The following LDB2 variants were observed in gnomAD, a reference collection of about 807,000 sequenced individuals.
The protein encoded by LDB2 is LIM domain binding 2, also known as LIM domain-binding protein 2.
In LDB2, 12 loss-of-function variants were observed where a neutral mutation model predicts 44.3. The observed-to-expected ratio is 0.27, with a 90% CI of 0.17 to 0.44. The LOEUF (loss-of-function observed/expected upper bound fraction) is 0.44. Among genes scored for constraint, LDB2 ranks in the 20% least tolerant of loss-of-function variants. The pLI is 1.00. For synonymous variants in LDB2, 164 were observed against 174.8 expected (o/e 0.94, Z 0.49); for missense variants, 344 against 473.5 (o/e 0.73, Z 2.54).
chr4:16,720,144 T>C (rs942171916), intron 2 of LDB2, among the ~76,000 whole-genome samples: 7 of 152,056 alleles, frequency 4.6e-5, no homozygotes, highest in African/African-American at 1.7e-4. Flanking sequence ...GTTTCTAATG[T>C]CTAGTAATTC....
At chr4:16,573,599 G>A (rs1165356289) in intron 5 of LDB2, among the ~76,000 whole-genome samples, 1 of 152,190 alleles carries the variant, frequency 6.6e-6, no homozygotes, top group African/African-American at 2.4e-5. Flanking sequence ...GCCACACTTT[G>A]AATAGCAGCT....
chr4:16,626,510 G>T (rs1371007656), intron 2 of LDB2, among the ~76,000 whole-genome samples: 1 of 152,144 alleles, frequency 6.6e-6, no homozygotes, highest in Non-Finnish European at 1.5e-5. Flanking sequence ...AATCACACTA[G>T]CTAGACACTT....
At chr4:16,629,088 T>C (rs1287023991) in intron 2 of LDB2, among the ~76,000 whole-genome samples, 4 of 152,096 alleles carry the variant, frequency 2.6e-5, no homozygotes, top group African/African-American at 9.7e-5. Context: ...GAGTAGGTGG[T>C]TCTATGCTCA....
chr4:16,578,924 A>G (rs918059783), intron 5 of LDB2, among the ~76,000 whole-genome samples: 2 of 152,234 alleles, frequency 1.3e-5, no homozygotes, highest in African/African-American at 4.8e-5. Flanking sequence ...CATTATATTA[A>G]GTGAAATAAG....
chr4:16,560,463 C>T (rs1368181589), intron 5 of LDB2, among the ~76,000 whole-genome samples: 1 of 152,160 alleles, frequency 6.6e-6, no homozygotes, highest in South Asian at 2.1e-4. Flanking sequence ...ACTAGAAAAT[C>T]TAGAAGAAAT....
At chr4:16,712,693 A>C (rs1756176829) in intron 2 of LDB2, among the ~76,000 whole-genome samples, 1 of 152,208 alleles carries the variant, frequency 6.6e-6, no homozygotes, top group East Asian at 1.9e-4. Context: ...GGATGGCTAT[A>C]ATCATACAAT....
At chr4:16,767,237 T>C (rs747974229) in intron 1 of LDB2, among the ~76,000 whole-genome samples, 4 of 152,154 alleles carry the variant, frequency 2.6e-5, no homozygotes, top group Non-Finnish European at 5.9e-5. Context: ...AGGATGAATA[T>C]CTAGAAGTCC....
intron 2 of LDB2, among the ~76,000 whole-genome samples, chr4:16,702,927 C>G (rs781122891): frequency 6.6e-6 from 1 of 152,184 alleles, no homozygotes; most frequent in African/African-American, 2.4e-5. Flanking sequence ...GCCCCATGCA[C>G]CCTCCTCACC....
chr4:16,780,559 G>T (rs1051759510), intron 1 of LDB2, among the ~76,000 whole-genome samples: 1 of 152,116 alleles, frequency 6.6e-6, no homozygotes, highest in South Asian at 2.1e-4. Flanking sequence ...GCTCCACAAG[G>T]CCACCAGAGG....
intron 1 of LDB2, among the ~76,000 whole-genome samples, chr4:16,848,058 G>C (rs1407498006): frequency 6.6e-6 from 1 of 152,170 alleles, no homozygotes; most frequent in Non-Finnish European, 1.5e-5. Context: ...ATACTTAACT[G>C]TCAGGGTCTT....
rs568551998 is a variant in LDB2, at chr4:16,615,159, G to A, written c.236-19284C>T. 3.3e-5 allele frequency among the ~76,000 whole-genome samples: 5 copies of A among 152,028 alleles called. No individual in the cohort carries two copies. The South Asian group carries it at 1.0e-3, about 32-fold the overall frequency. ...GAACGATTTTACACTGTTAGTGGGA[G>A]CGTAAATTAGTTCAACCATTGTGGA... On this transcript the variant is annotated intron_variant, in intron 2 of 7. Transcript: ENST00000304523.
In LDB2 at chr4:16,571,813, GT is replaced by G. The variant is rs1746628143; in HGVS notation, c.615+14108del. On this transcript the variant is annotated intron_variant, in intron 5 of 7. Transcript: ENST00000304523. ...GGTGGACACTTTTTAAATTATATTT[GT>G]TTTCTCTTAATTATGGTAAACACTT... Among the ~76,000 whole-genome samples the G allele has an allele frequency of 3.9e-5, 6 of 152,210 alleles. No homozygotes were observed. The South Asian group carries it at 1.2e-3, about 32-fold the overall frequency.
intron 1 of LDB2, among the ~76,000 whole-genome samples, chr4:16,860,467 C>T (rs752054861): frequency 1.1e-4 from 17 of 152,266 alleles, no homozygotes; most frequent in Admixed American, 7.8e-4. Context: ...CGCTGATTCA[C>T]CTCTGATCAA....
rs35645848 is a variant in LDB2, at chr4:16,623,598, A to AAAATAAAT, written c.236-27731_236-27724dup. Among the ~76,000 whole-genome samples, 271 of 150,620 alleles carry AAAATAAAT rather than the reference A, an allele frequency of 1.8e-3. 1 individual carries two copies. Among genetic ancestry groups the AAAATAAAT allele is most frequent in the African/African-American group, 4.5e-3 (186 of 40,980 alleles). On this transcript the variant is annotated intron_variant, in intron 2 of 7. Coordinates refer to ENST00000304523, the MANE Select transcript of LDB2 (RefSeq NM_001290.5). ...GCTGACAGAGCAAGACTCTGTCTCA[A>AAAATAAAT]AAATAAATAAATAAATAAATAAAAA...
intron 2 of LDB2, among the ~76,000 whole-genome samples, chr4:16,680,012 G>A (rs1163584380): frequency 6.6e-6 from 1 of 152,048 alleles, no homozygotes; most frequent in Non-Finnish European, 1.5e-5. Flanking sequence ...TTCCTGTATT[G>A]AAGCCCTAAT....
chr4:16,765,755 A>G (rs1422753548), intron 1 of LDB2, among the ~76,000 whole-genome samples: 1 of 152,250 alleles, frequency 6.6e-6, no homozygotes, highest in Non-Finnish European at 1.5e-5. Context: ...GTTCGAGAGA[A>G]GTCTTCTCTC....
At chr4:16,544,157 A>G (rs530327851) in intron 5 of LDB2, among the ~76,000 whole-genome samples, 1 of 152,352 alleles carries the variant, frequency 6.6e-6, no homozygotes, top group African/African-American at 2.4e-5. Flanking sequence ...GCATGTGTGT[A>G]GGCACAGTCT....
At chr4:16,859,944 C>G (rs1015669919) in intron 1 of LDB2, among the ~76,000 whole-genome samples, 1 of 152,166 alleles carries the variant, frequency 6.6e-6, no homozygotes, top group Admixed American at 6.5e-5. Flanking sequence ...AATTTAGAGA[C>G]AAGTACTATT....
At chr4:16,507,194 A>AT (rs1334185607) in intron 7 of LDB2, 1 of 152,184 alleles carries the variant, frequency 6.6e-6, no homozygotes, top group Non-Finnish European at 1.5e-5. Context: ...GAAGACTGCA[A>AT]TTTGTAACCT....
Sources: gnomAD v4.1 joint callset for allele counts (sites outside exome capture counted in the v4.1 genomes callset) on GRCh38, gnomAD v4.1.1 for gene constraint, MANE v1.5 for transcripts, NCBI Gene and HGNC (gene_info 2026-07-23, HGNC 2026-07-21) for gene names.